The following HERC5 variants were observed in gnomAD, a reference collection of about 807,000 sequenced individuals.
The protein encoded by HERC5 is E3 ISG15--protein ligase HERC5.
In HERC5, 99 loss-of-function variants were observed where a neutral mutation model predicts 119.6. That is an observed-to-expected ratio of 0.83 (90% CI 0.70 to 0.98). The LOEUF (loss-of-function observed/expected upper bound fraction) is 0.98, where lower values mean the gene tolerates loss of function less well. Ranked by LOEUF, HERC5 falls within the 50% of genes least tolerant of loss-of-function variation. The pLI, the probability that HERC5 is intolerant of heterozygous loss-of-function variation, is 0.00. For missense variants in HERC5, 1,267 were observed against 1,241.3 expected, an observed-to-expected ratio of 1.02 and a Z score of -0.31; for synonymous variants, 478 against 445.9, an observed-to-expected ratio of 1.07 and a Z score of -0.91.
chr4:88,491,490 G>C (rs991533669), intron 16 of HERC5, among the ~76,000 whole-genome samples: 4 of 152,198 alleles, frequency 2.6e-5, no homozygotes, highest in African/African-American at 4.8e-5. Flanking sequence ...GCAGGAAAAA[G>C]AAGAGATAAA....
chr4:88,480,152 A>AG (rs1741233131), intron 13 of HERC5, among the ~76,000 whole-genome samples: 1 of 151,738 alleles, frequency 6.6e-6, no homozygotes, highest in South Asian at 2.1e-4. Context: ...CATCTCCCAG[A>AG]GGTAGTCATG....
Position 88,504,420 on chromosome 4 carries a change from A to C in HERC5, c.2766+5A>C, listed in dbSNP as rs1040327635. 1.3e-6 allele frequency: 2 copies of C among 1,595,106 alleles called. No individual in the cohort carries two copies. Among genetic ancestry groups the C allele is most frequent in the African/African-American group, 2.7e-5 (2 of 74,502 alleles). On this transcript the variant is annotated splice_donor_5th_base_variant and intron_variant, in intron 21 of 22. Coordinates refer to ENST00000264350, the MANE Select transcript of HERC5 (RefSeq NM_016323.4). ...GATTGGAAAACATTTGAAAAGGTACATCATCAAGTCTAAGTTGATTAAATT... is the reference window on the plus strand; with the variant it reads ...GATTGGAAAACATTTGAAAAGGTACCTCATCAAGTCTAAGTTGATTAAATT...
chr4:88,457,309 C>A lies in HERC5; in HGVS notation c.40C>A (p.Arg14Ser), dbSNP rs1019686627. ...GCGGAGGAAGTCGCGGCGCAACGGG[C>A]GCTCGACCGCGGGCAAGGCCGCCGC... ...RSRRKSRRNG[R>S]STAGKAAATQ... The change falls in exon 1 of 23, where the codon CGC (arginine) becomes AGC (serine). Residue 14 changes from arginine (R) to serine (S), a missense_variant. By Grantham distance (110) the Arg-to-Ser change is moderately radical. Transcript: ENST00000264350. 1.5e-4 allele frequency: 204 copies of A among 1,377,174 alleles called. No individual in the cohort carries two copies. Among genetic ancestry groups the A allele is most frequent in the Non-Finnish European group, 1.8e-4 (191 of 1,069,520 alleles). 85.3% of individuals were successfully genotyped at this position (1,377,174 alleles called of 1,614,324 possible). A position where few individuals can be genotyped will look rare whatever the true frequency, so the allele number is the denominator to read the frequency against.
rs1741920967 is a variant in HERC5 at position 88,500,634 on chromosome 4, G to A, written c.2512-281G>A. Among the ~76,000 whole-genome samples, 3 of 152,296 alleles carry A rather than the reference G, an allele frequency of 2.0e-5. No homozygotes were observed. In the South Asian group the frequency reaches 6.2e-4, roughly 32 times the overall value. ...CCATTTTTGTAAATCTACCATACTG[G>A]GTCTATGCTGTATGAAGTGAATACT... On this transcript the variant is annotated intron_variant, in intron 19 of 22. Transcript: ENST00000264350.
At chr4:88,474,677 T>C (rs1740996681) in intron 11 of HERC5, among the ~76,000 whole-genome samples, 1 of 152,226 alleles carries the variant, frequency 6.6e-6, no homozygotes. Flanking sequence ...ATTTGGGCTT[T>C]GGAGTCAGAA....
intron 12 of HERC5, among the ~76,000 whole-genome samples, chr4:88,478,346 C>G (rs1011259613): frequency 6.6e-6 from 1 of 152,062 alleles, no homozygotes. Context: ...CTTCAACAAT[C>G]TAAGTAAAAT....
chr4:88,465,308 C>T, intron 6 of HERC5, among the ~76,000 whole-genome samples: 1 of 152,182 alleles, frequency 6.6e-6, no homozygotes, highest in East Asian at 1.9e-4. Context: ...CCCATATACA[C>T]TTATTCTTTT....
intron 19 of HERC5, among the ~76,000 whole-genome samples, 160 bp from the exon 20 acceptor site, chr4:88,500,755 G>A (rs1014774901): frequency 2.6e-5 from 4 of 152,232 alleles, no homozygotes; most frequent in Non-Finnish European, 5.9e-5. Context: ...CAGTATGATA[G>A]GGTGTAATTT....
At chr4:88,487,536 A>T (rs750676191) in intron 15 of HERC5, among the ~76,000 whole-genome samples, 3 of 152,206 alleles carry the variant, frequency 2.0e-5, no homozygotes, top group Non-Finnish European at 4.4e-5. Flanking sequence ...ACTAGCACCT[A>T]TGTAAGGAGG....
chr4:88,502,648 A>G (rs1741978367), intron 20 of HERC5, among the ~76,000 whole-genome samples: 2 of 152,210 alleles, frequency 1.3e-5, no homozygotes, highest in African/African-American at 2.4e-5. Flanking sequence ...TTTCATCAGT[A>G]GGGTACGACA....
chr4:88,504,527 A>G lies in HERC5; in HGVS notation c.2799A>G (p.Ser933=), dbSNP rs372212599. The stretch of plus-strand genomic sequence containing the variant: ...GTTATGAACCAGGATATAACAGTTC[A>G]CATCCCACCATAGTGATGTTTTGGA... ...NARYEPGYNS[S]HPTIVMFWKA... The change falls in exon 22 of 23, where the codon TCA becomes TCG. Residue 933 remains serine, a synonymous_variant. Transcript: ENST00000264350. The G allele has an allele frequency of 3.8e-6, 6 of 1,581,340 alleles. No individual in the cohort carries two copies. The East Asian group carries it at 1.1e-4, about 30-fold the overall frequency.
In HERC5 at chr4:88,463,558, G is replaced by A; in HGVS notation, c.715G>A (p.Gly239Arg). The change falls in exon 5 of 23, where the codon GGA becomes AGA. Residue 239 changes from glycine (G) to arginine (R), a missense_variant. Coordinates refer to ENST00000264350, the MANE Select transcript of HERC5 (RefSeq NM_016323.4). ...ESKDDPSLIE[G>R]LDNQKVEFVA... is the part of the protein sequence containing the mutation. ...TAAAGATGATCCATCCCTTATTGAAGGACTAGACAATCAGAAAGTTGAATT... is the reference window on the plus strand; with the variant it reads ...TAAAGATGATCCATCCCTTATTGAAAGACTAGACAATCAGAAAGTTGAATT... 6.2e-7 allele frequency: 1 copy of A among 1,613,470 alleles called. No homozygotes were observed. The highest frequency in any genetic ancestry group is 8.5e-7 in the Non-Finnish European group (1 of 1,179,650).
At chr4:88,500,808 C>T in intron 19 of HERC5, 107 bp from the exon 20 acceptor site, 1 of 826,500 alleles carries the variant, frequency 1.2e-6, no homozygotes. Flanking sequence ...CAAAAATGTA[C>T]ATTTTAACAC....
rs755237879 is a variant in HERC5 at position 88,467,163 on chromosome 4, C to T, written c.1016C>T (p.Pro339Leu). The T allele has an allele frequency of 1.7e-5, 27 of 1,614,104 alleles. No individual in the cohort carries two copies. Among genetic ancestry groups the T allele is most frequent in the Middle Eastern group, 1.6e-4 (1 of 6,062 alleles). The change falls in exon 7 of 23, where the codon CCG becomes CTG. Residue 339 changes from proline to leucine, a missense_variant. Transcript: ENST00000264350. Reference protein sequence around the residue: ...GNGGTRDQLMPLPVKVSSSEE... With the variant: ...GNGGTRDQLMLLPVKVSSSEE... ...GGTGGAACACGTGACCAGCTGATGC[C>T]GCTTCCAGTGAAAGTATCATCAAGT...
intron 13 of HERC5, among the ~76,000 whole-genome samples, chr4:88,483,519 C>CTTTTT (rs1162985782): frequency 8.4e-5 from 7 of 83,168 alleles, no homozygotes; most frequent in Admixed American, 1.5e-4. Context: ...GCTCTATAGG[C>CTTTTT]TTTTTTTTTT....
At chr4:88,504,935 ATAT>A (rs577655592) in intron 22 of HERC5, among the ~76,000 whole-genome samples, 309 of 152,224 alleles carry the variant, frequency 2.0e-3, no homozygotes, top group Non-Finnish European at 3.7e-3. Context: ...TACTGTTCCT[ATAT>A]TATTAATACT....
chr4:88,486,756 TC>T (rs1741478481), intron 14 of HERC5, among the ~76,000 whole-genome samples: 1 of 152,216 alleles, frequency 6.6e-6, no homozygotes. Context: ...TATATCATTC[TC>T]CGTTTATCAA....
Position 88,457,346 on chromosome 4 carries a change from C to T in HERC5, c.77C>T (p.Ala26Val). The change falls in exon 1 of 23, where the codon GCG becomes GTG. Residue 26 changes from alanine (A) to valine (V), a missense_variant. By Grantham distance (64) the Ala-to-Val change is moderately conservative (BLOSUM62 0). Transcript: ENST00000264350. ...TAGKAAATQP[A>V]KSPGAQLWLF... Reference sequence around the variant, plus strand: ...GGCAAGGCCGCCGCGACCCAGCCCGCGAAGTCTCCGGGCGCACAGCTCTGG... The same window carrying T: ...GGCAAGGCCGCCGCGACCCAGCCCGTGAAGTCTCCGGGCGCACAGCTCTGG... 1 of 1,417,560 alleles carries T rather than the reference C, an allele frequency of 7.1e-7. No homozygotes were observed. The highest frequency in any genetic ancestry group is 9.2e-7 in the Non-Finnish European group (1 of 1,087,624). The allele number at this position is 1,417,560 out of a possible 1,614,324, so 87.8% of individuals were successfully genotyped here.
chr4:88,475,413 G>C (rs1341089812), intron 11 of HERC5, among the ~76,000 whole-genome samples: 2 of 149,166 alleles, frequency 1.3e-5, no homozygotes, highest in Non-Finnish European at 3.0e-5. Flanking sequence ...CTGCCTCCCA[G>C]GTTCAAGCGA....
Sources: gnomAD v4.1 joint callset for allele counts (sites outside exome capture counted in the v4.1 genomes callset) on GRCh38, gnomAD v4.1.1 for gene constraint, MANE v1.5 for transcripts, NCBI Gene and HGNC (gene_info 2026-07-23, HGNC 2026-07-21) for gene names.